The following RANBP17 variants were observed in gnomAD, a reference collection of about 807,000 sequenced individuals.
RANBP17 encodes the protein RAN binding protein 17, also known as ran-binding protein 17.
Under a neutral mutation model 141.2 loss-of-function variants are expected in RANBP17, and 158 were observed. That is an observed-to-expected ratio of 1.12 (90% CI 0.98 to 1.28). RANBP17 has a LOEUF of 1.28. RANBP17 is among the 50% of genes most tolerant of loss of function. The probability of loss-of-function intolerance (pLI) is 0.00; values close to 1 mark genes in which losing one functional copy is unlikely to be tolerated. For synonymous variants in RANBP17, 430 were observed against 450.0 expected (o/e 0.96, Z 0.56); for missense variants, 1,438 against 1,290.7 (o/e 1.11, Z -1.75).
intron 14 of RANBP17, chr5:170,970,507 G>C (rs1776906946): frequency 6.6e-6 from 1 of 152,032 alleles, no homozygotes. Context: ...TCAGCAGTCT[G>C]TGCTCTCTGT....
At chr5:171,244,372 A>C (rs1561795494) in intron 24 of RANBP17, among the ~76,000 whole-genome samples, 1 of 152,066 alleles carries the variant, frequency 6.6e-6, no homozygotes, top group East Asian at 1.9e-4. Flanking sequence ...ACGAAACTCC[A>C]TCTCAAAAAC....
intron 14 of RANBP17, among the ~76,000 whole-genome samples, chr5:170,994,162 G>T (rs555442002): frequency 6.6e-6 from 1 of 152,086 alleles, no homozygotes; most frequent in South Asian, 2.1e-4. Context: ...CATAGAAATT[G>T]ATGACTTGCC....
At chr5:171,257,005 C>T (rs1159435758) in intron 24 of RANBP17, among the ~76,000 whole-genome samples, 1 of 151,946 alleles carries the variant, frequency 6.6e-6, no homozygotes. Context: ...CAAAGAAGAG[C>T]TAATACCAGT....
chr5:170,869,448 C>T (rs950583659), intron 1 of RANBP17, among the ~76,000 whole-genome samples: 7 of 151,752 alleles, frequency 4.6e-5, no homozygotes, highest in African/African-American at 1.5e-4. Flanking sequence ...TGCCACCGTG[C>T]CTTAATACCA....
At chr5:170,914,499 A>G (rs1399590597) in intron 8 of RANBP17, among the ~76,000 whole-genome samples, 1 of 152,240 alleles carries the variant, frequency 6.6e-6, no homozygotes, top group East Asian at 1.9e-4. Flanking sequence ...ACAACCTACC[A>G]ATCCCTAAAT....
At chr5:171,255,622 A>G (rs912624738) in intron 24 of RANBP17, among the ~76,000 whole-genome samples, 1 of 152,188 alleles carries the variant, frequency 6.6e-6, no homozygotes, top group Non-Finnish European at 1.5e-5. Flanking sequence ...AGCTGGATCT[A>G]AGTAAAATGT....
chr5:171,239,217 A>G (rs1401177889), intron 22 of RANBP17, among the ~76,000 whole-genome samples: 1 of 152,204 alleles, frequency 6.6e-6, no homozygotes, highest in Non-Finnish European at 1.5e-5. Context: ...ATTCAGATAT[A>G]TAAATTATAA....
chr5:171,024,863 C>T (rs1328851569), intron 14 of RANBP17, among the ~76,000 whole-genome samples: 1 of 151,960 alleles, frequency 6.6e-6, no homozygotes, highest in African/African-American at 2.4e-5. Context: ...CTCATGACTT[C>T]CAAATACATA....
chr5:171,055,903 A>AAC (rs1783327433), intron 14 of RANBP17, among the ~76,000 whole-genome samples: 2 of 151,258 alleles, frequency 1.3e-5, no homozygotes, highest in African/African-American at 4.9e-5. Flanking sequence ...AAAACAAAAA[A>AAC]AAAAACATTC....
intron 14 of RANBP17, among the ~76,000 whole-genome samples, chr5:170,980,687 G>A (rs190298039): frequency 5.1e-4 from 78 of 152,356 alleles, no homozygotes; most frequent in Non-Finnish European, 7.3e-4. Flanking sequence ...TTCAGAGGAT[G>A]TATAGAAATG....
chr5:171,272,514 G>A (rs1353273150), intron 25 of RANBP17, among the ~76,000 whole-genome samples: 2 of 151,388 alleles, frequency 1.3e-5, no homozygotes, highest in Non-Finnish European at 2.9e-5. Context: ...TAGAAACTGA[G>A]GCACAAAAAA....
At chr5:171,060,961 A>G (rs1037872730) in intron 14 of RANBP17, among the ~76,000 whole-genome samples, 2 of 147,848 alleles carry the variant, frequency 1.4e-5, no homozygotes, top group African/African-American at 5.0e-5. Flanking sequence ...AGAGGTGTTT[A>G]GTATTCTCTG....
Position 171,214,984 on chromosome 5 carries a change from A to C in RANBP17, c.2339+1246A>C, listed in dbSNP as rs114383723. 5.1e-3 allele frequency among the ~76,000 whole-genome samples: 777 copies of C among 152,142 alleles called. 9 individuals carry two copies. Among genetic ancestry groups the C allele is most frequent in the African/African-American group, 0.018 (746 of 41,518 alleles). On this transcript the variant is annotated intron_variant, in intron 21 of 27. Coordinates refer to ENST00000523189, the MANE Select transcript of RANBP17 (RefSeq NM_022897.5). ...GCCATGGTGGTTTGCTGCACCTATC[A>C]ACCCAACCCATCACCTAGGTTTTAA... is the stretch of plus-strand genomic sequence containing the variant.
chr5:171,127,100 A>G (rs1376740894), intron 14 of RANBP17, among the ~76,000 whole-genome samples: 1 of 152,202 alleles, frequency 6.6e-6, no homozygotes, highest in East Asian at 1.9e-4. Context: ...TTGCAAACCA[A>G]ATAGCACATC....
intron 18 of RANBP17, among the ~76,000 whole-genome samples, chr5:171,197,820 C>T (rs1403939921): frequency 1.3e-5 from 2 of 152,116 alleles, no homozygotes; most frequent in South Asian, 2.1e-4. Flanking sequence ...GGGCGGATCA[C>T]GAGGTCAGGA....
intron 5 of RANBP17, chr5:170,896,318 A>G (rs1402670471): frequency 2.9e-5 from 16 of 551,340 alleles, no homozygotes; most frequent in Admixed American, 7.0e-5. Flanking sequence ...GATATCTGCA[A>G]TAGTACAGAG....
intron 20 of RANBP17, chr5:171,206,362 G>T (rs1388390007): frequency 6.5e-6 from 1 of 154,564 alleles, no homozygotes; most frequent in African/African-American, 2.4e-5. Flanking sequence ...TAGGTAAAGT[G>T]TACTCTGTAT....
intron 5 of RANBP17, chr5:170,897,281 T>C (rs1770213595): frequency 3.2e-6 from 2 of 633,632 alleles, no homozygotes; most frequent in Non-Finnish European, 6.2e-6. Context: ...CTGTGATTGC[T>C]TGCAGTGTTT....
rs72051535 is a variant in RANBP17 at position 171,130,431 on chromosome 5, C to CTTTTTTTTTT, written c.1711-39686_1711-39677dup. On this transcript the variant is annotated intron_variant, in intron 14 of 27. Transcript: ENST00000523189. ...GCTCAATCAGAATACTTTAAAAAGA[C>CTTTTTTTTTT]TTTTTTTTTTTTTTTTTTTTTTGAG... 2.9e-4 allele frequency among the ~76,000 whole-genome samples: 26 copies of CTTTTTTTTTT among 90,044 alleles called. 1 individual carries two copies. The highest frequency in any genetic ancestry group is 3.4e-4 in the Admixed American group (2 of 5,842). The allele number at this position is 90,044 out of a possible 152,430, so 59.1% of individuals were successfully genotyped here.
Sources: gnomAD v4.1 joint callset for allele counts (sites outside exome capture counted in the v4.1 genomes callset) on GRCh38, gnomAD v4.1.1 for gene constraint, MANE v1.5 for transcripts, NCBI Gene and HGNC (gene_info 2026-07-23, HGNC 2026-07-21) for gene names.